FAM193A: variants seen among roughly 807,000 people sequenced by gnomAD.
FAM193A encodes the protein protein FAM193A.
Under a neutral mutation model 126.5 loss-of-function variants are expected in FAM193A, and 22 were observed. The ratio of observed to expected loss-of-function variants is 0.17; its 90% CI spans 0.12 to 0.25. FAM193A has a LOEUF of 0.25. Ranked by LOEUF, FAM193A falls within the 10% of genes least tolerant of loss-of-function variation. FAM193A has a pLI of 1.00. For synonymous variants in FAM193A, 761 were observed against 646.8 expected, an observed-to-expected ratio of 1.18 and a Z score of -2.68; for missense variants, 1,675 against 1,672.8, an observed-to-expected ratio of 1.00 and a Z score of -0.02.
intron 2 of FAM193A, among the ~76,000 whole-genome samples, chr4:2,612,684 T>C (rs539614909): frequency 1.3e-5 from 2 of 152,312 alleles, no homozygotes; most frequent in African/African-American, 4.8e-5. Flanking sequence ...GAAAAGACAA[T>C]TTTATCTCAT....
At chr4:2,645,436 G>GT (rs1290776432) in intron 6 of FAM193A, among the ~76,000 whole-genome samples, 2 of 151,924 alleles carry the variant, frequency 1.3e-5, no homozygotes, top group Non-Finnish European at 2.9e-5. Context: ...AAATCGAGGT[G>GT]TTTTTTCTCA....
At position 2,652,248 on chromosome 4, in the gene FAM193A, C is replaced by T. The variant is rs868533185; in HGVS notation, c.1311+5416C>T. Among the ~76,000 whole-genome samples the T allele has an allele frequency of 6.6e-5, 10 of 152,184 alleles. No homozygotes were observed. In the South Asian group the frequency reaches 1.0e-3, roughly 16 times the overall value. On this transcript the variant is annotated intron_variant, in intron 7 of 20. Coordinates refer to ENST00000637812, the MANE Select transcript of FAM193A (RefSeq NM_001366318.2). ...TCCTGTCCTGGTGTTGAACAGGAGA[C>T]GCTGGCCTATTGCAGAGAAGCTTTG...
At chr4:2,701,683 T>TG (rs1328553635) in intron 19 of FAM193A, among the ~76,000 whole-genome samples, 1 of 152,172 alleles carries the variant, frequency 6.6e-6, no homozygotes, top group Admixed American at 6.5e-5. Flanking sequence ...TATGGGGAAA[T>TG]GAGTATCCTG....
chr4:2,557,774 A>G (rs1297545985), intron 1 of FAM193A, among the ~76,000 whole-genome samples: 1 of 151,658 alleles, frequency 6.6e-6, no homozygotes, highest in Non-Finnish European at 1.5e-5. Context: ...AACATGGTGA[A>G]ACACTGTCTC....
intron 20 of FAM193A, among the ~76,000 whole-genome samples, 199 bp from the exon 21 acceptor site, chr4:2,731,576 C>T (rs1481148506): frequency 1.3e-5 from 2 of 152,028 alleles, no homozygotes; most frequent in Admixed American, 6.6e-5. Flanking sequence ...TTCCTCCTCC[C>T]GAGTCCTTTC....
In FAM193A at chr4:2,590,479, AAAAAAAC is replaced by A. The variant is rs1560464497; in HGVS notation, c.256-5598_256-5592del. On this transcript the variant is annotated intron_variant, in intron 1 of 20. Transcript: ENST00000637812. ...ACTCCATCTCAAAAAAAAAAAACAA[AAAAAAAC>A]AAAAAAAAACAAAAAAAAACAAAAA... is the stretch of plus-strand genomic sequence containing the variant. 4.3e-4 allele frequency among the ~76,000 whole-genome samples: 40 copies of A among 93,920 alleles called. 4 individuals are homozygous for A. Among genetic ancestry groups the A allele is most frequent in the African/African-American group, 1.6e-3 (22 of 13,902 alleles). 61.6% of individuals were successfully genotyped at this position (93,920 alleles called of 152,430 possible).
At chr4:2,668,800 C>T (rs1032838031) in intron 12 of FAM193A, among the ~76,000 whole-genome samples, 1 of 151,000 alleles carries the variant, frequency 6.6e-6, no homozygotes, top group Non-Finnish European at 1.5e-5. Flanking sequence ...CTCTCTCTTT[C>T]TCTCTCTCTC....
intron 20 of FAM193A, among the ~76,000 whole-genome samples, chr4:2,718,373 T>C (rs1041789553): frequency 6.6e-5 from 10 of 152,058 alleles, no homozygotes; most frequent in African/African-American, 2.4e-4. Flanking sequence ...GTGATGGCTA[T>C]GTTCATTATG....
At chr4:2,536,332 G>A (rs575781061), upstream of FAM193A, among the ~76,000 whole-genome samples, 18 of 151,712 alleles carry the variant, frequency 1.2e-4, 1 homozygote, top group East Asian at 3.1e-3. Flanking sequence ...CTGCGGCGAC[G>A]AGCGAGGCGG....
intron 1 of FAM193A, among the ~76,000 whole-genome samples, chr4:2,543,708 A>G (rs1482631821): frequency 6.6e-6 from 1 of 151,826 alleles, no homozygotes; most frequent in Non-Finnish European, 1.5e-5. Flanking sequence ...AAATGCAAAA[A>G]TTAGCCAGGC....
chr4:2,546,027 A>G (rs1737526362), intron 1 of FAM193A, among the ~76,000 whole-genome samples: 1 of 152,080 alleles, frequency 6.6e-6, no homozygotes, highest in Non-Finnish European at 1.5e-5. Flanking sequence ...AGGCGCCTGT[A>G]ATCATAGCTA....
At chr4:2,687,029 G>T (rs946774159) in intron 13 of FAM193A, among the ~76,000 whole-genome samples, 6 of 152,008 alleles carry the variant, frequency 3.9e-5, no homozygotes, top group Admixed American at 2.0e-4. Flanking sequence ...TGGGTGGCCC[G>T]TCTGGACCTG....
At chr4:2,659,443 G>A (rs1002767767) in intron 8 of FAM193A, 115 bp from the exon 9 acceptor site, 14 of 738,992 alleles carry the variant, frequency 1.9e-5, no homozygotes, top group East Asian at 2.7e-5. Flanking sequence ...GTCCTGTCCC[G>A]CTGAGGAAGC....
rs1577207282 is a variant in FAM193A, at chr4:2,687,965, G to C, written c.2332-1541G>C. 3.9e-5 allele frequency among the ~76,000 whole-genome samples: 6 copies of C among 152,284 alleles called. 1 individual carries two copies. In the South Asian group the frequency reaches 1.2e-3, roughly 32 times the overall value. On this transcript the variant is annotated intron_variant, in intron 13 of 20. Coordinates refer to ENST00000637812, the MANE Select transcript of FAM193A (RefSeq NM_001366318.2). ...CCCTCTGCCCCAGCCAGGCCAGCAG[G>C]ATTCTGCCGAACCATCGCCCATTCT...
At chr4:2,708,778 A>G (rs1446046256) in intron 19 of FAM193A, among the ~76,000 whole-genome samples, 1 of 152,068 alleles carries the variant, frequency 6.6e-6, no homozygotes, top group African/African-American at 2.4e-5. Context: ...TGTTAACTTT[A>G]TATATTTTAC....
At chr4:2,662,786 A>T in intron 10 of FAM193A, 52 bp from the exon 11 acceptor site, 1 of 1,479,346 alleles carries the variant, frequency 6.8e-7, no homozygotes, top group East Asian at 2.3e-5. Context: ...TGGTTTACTC[A>T]TTGTCTTTCA....
chr4:2,576,586 T>A (rs1739602458), intron 1 of FAM193A, among the ~76,000 whole-genome samples: 1 of 152,114 alleles, frequency 6.6e-6, no homozygotes, highest in African/African-American at 2.4e-5. Flanking sequence ...TCTGCCTCTG[T>A]CTCCCAGGCT....
At position 2,699,935 on chromosome 4, in the gene FAM193A, A is replaced by G. The variant is rs1387792137; in HGVS notation, c.3763A>G (p.Asn1255Asp). 3 of 1,613,972 alleles carry G rather than the reference A, an allele frequency of 1.9e-6. No individual in the cohort carries two copies. The highest frequency in any genetic ancestry group is 2.5e-6 in the Non-Finnish European group (3 of 1,180,016). ...NFQAATESVP[N>D]SGNIHNGSLE... The stretch of plus-strand genomic sequence containing the variant: ...CCAGGCAGCAACAGAGTCTGTTCCT[A>G]ACTCTGGAAACATCCACAATGGCTC... Residue 1255 changes from asparagine to aspartate, a missense_variant, in exon 19 of 21, where the codon AAC becomes GAC. Asn to Asp is a conservative substitution (Grantham distance 23). This residue lies in a region of FAM193A where 415 missense variants were observed against 396.7 expected (regional missense o/e 1.05). Transcript: ENST00000637812.
intron 7 of FAM193A, among the ~76,000 whole-genome samples, chr4:2,651,526 C>G (rs1048235958): frequency 9.2e-5 from 14 of 152,178 alleles, no homozygotes; most frequent in African/African-American, 3.4e-4. Flanking sequence ...TGCCACACTT[C>G]TGAGCCATCA....
Sources: gnomAD v4.1 joint callset for allele counts (sites outside exome capture counted in the v4.1 genomes callset) on GRCh38, gnomAD v4.1.1 for gene constraint, gnomAD v4.1.1 regional missense constraint, MANE v1.5 for transcripts, NCBI Gene and HGNC (gene_info 2026-07-23, HGNC 2026-07-21) for gene names.